The following CATSPER3 variants were observed in gnomAD, a reference collection of about 807,000 sequenced individuals.
CATSPER3 encodes the protein cation channel sperm-associated protein 3.
In CATSPER3, 23 loss-of-function variants were observed where a neutral mutation model predicts 36.6. That is an observed-to-expected ratio of 0.63 (90% CI 0.45 to 0.89). The LOEUF (loss-of-function observed/expected upper bound fraction) is 0.89. CATSPER3 is among the 40% of genes least tolerant of loss of function. The pLI, the probability that CATSPER3 is intolerant of heterozygous loss-of-function variation, is 0.00. For missense variants in CATSPER3, 474 were observed against 503.9 expected, an observed-to-expected ratio of 0.94 and a Z score of 0.57; for synonymous variants, 172 against 184.1, an observed-to-expected ratio of 0.93 and a Z score of 0.53.
rs750730547 is a variant in CATSPER3, at chr5:135,011,643, G to A, written c.*20G>A. 1 of 1,556,784 alleles carries A rather than the reference G, an allele frequency of 6.4e-7. No individual in the cohort carries two copies. The highest frequency in any genetic ancestry group is 1.1e-5 in the South Asian group (1 of 89,222). On this transcript the variant is annotated 3_prime_UTR_variant, in exon 8 of 8. Coordinates refer to ENST00000282611, the MANE Select transcript of CATSPER3 (RefSeq NM_178019.3). ...AAGTAGCTGGGCATGGGGCACCCAT[G>A]TGCCGAGAGCCTTGCAGACCATGAC...
intron 2 of CATSPER3, among the ~76,000 whole-genome samples, chr5:134,973,078 A>G (rs369890414): frequency 1.2e-4 from 19 of 152,330 alleles, no homozygotes; most frequent in African/African-American, 4.3e-4. Flanking sequence ...AAATTCATCA[A>G]TATTCAAAAA....
chr5:134,987,965 G>T (rs1384655160), intron 2 of CATSPER3, among the ~76,000 whole-genome samples: 1 of 152,106 alleles, frequency 6.6e-6, no homozygotes, highest in Non-Finnish European at 1.5e-5. Context: ...GCGAGAAAAA[G>T]AAATAAAAGG....
intron 7 of CATSPER3, 112 bp downstream of exon 7, chr5:135,010,642 G>A: frequency 1.1e-6 from 1 of 939,342 alleles, no homozygotes; most frequent in Non-Finnish European, 1.7e-6. Flanking sequence ...ATGGGCAGTG[G>A]GTGGGTGGAA....
At position 134,994,694 on chromosome 5, in the gene CATSPER3, C is replaced by T. The variant is rs568466564; in HGVS notation, c.253-1579C>T. Among the ~76,000 whole-genome samples, 3 of 152,180 alleles carry T rather than the reference C, an allele frequency of 2.0e-5. 1 individual carries two copies. The highest frequency in any genetic ancestry group is 4.1e-4 in the South Asian group (2 of 4,832). On this transcript the variant is annotated intron_variant, in intron 2 of 7. Transcript: ENST00000282611. ...TGAGATTAAAATTCAAAGTCCTCACCAGGCCTACAAGGCATGACAGTTTGC... is the reference window on the plus strand; with the variant it reads ...TGAGATTAAAATTCAAAGTCCTCACTAGGCCTACAAGGCATGACAGTTTGC...
chr5:135,010,672 C>T, intron 7 of CATSPER3, 142 bp downstream of exon 7: 1 of 784,038 alleles, frequency 1.3e-6, no homozygotes, highest in Non-Finnish European at 2.2e-6. Flanking sequence ...CTTGGGGTTA[C>T]AGGATTCCAT....
chr5:135,005,154 A>G (rs1752069464), intron 3 of CATSPER3, among the ~76,000 whole-genome samples: 1 of 152,200 alleles, frequency 6.6e-6, no homozygotes, highest in Admixed American at 6.5e-5. Context: ...GGCTGGGGGC[A>G]CTTGCTGCTG....
chr5:134,968,466 G>T (rs891319855), intron 1 of CATSPER3: 65 of 284,636 alleles, frequency 2.3e-4, no homozygotes, highest in Non-Finnish European at 1.5e-4. Flanking sequence ...AGGCTGGGGC[G>T]GATCACTTGA....
chr5:134,984,177 A>G (rs1358891305), intron 2 of CATSPER3, among the ~76,000 whole-genome samples: 1 of 152,218 alleles, frequency 6.6e-6, no homozygotes, highest in Non-Finnish European at 1.5e-5. Flanking sequence ...GAAACCACAA[A>G]AATTCTAGAA....
At chr5:134,992,174 A>G (rs1256780496) in intron 2 of CATSPER3, among the ~76,000 whole-genome samples, 1 of 152,168 alleles carries the variant, frequency 6.6e-6, no homozygotes, top group Admixed American at 6.5e-5. Context: ...AAATATTTGC[A>G]AATTATATAT....
chr5:134,987,606 T>A (rs1475562836), intron 2 of CATSPER3, among the ~76,000 whole-genome samples: 1 of 152,134 alleles, frequency 6.6e-6, no homozygotes, highest in Non-Finnish European at 1.5e-5. Flanking sequence ...AGCAGGATTA[T>A]ACACCACGAT....
intron 3 of CATSPER3, among the ~76,000 whole-genome samples, chr5:134,997,506 T>C (rs945479009): frequency 2.0e-5 from 3 of 152,006 alleles, no homozygotes; most frequent in African/African-American, 7.2e-5. Flanking sequence ...ATGCCCTAGC[T>C]GTTTTCCCTA....
chr5:135,007,506 G>T (rs1053163202), intron 3 of CATSPER3, among the ~76,000 whole-genome samples: 2 of 152,182 alleles, frequency 1.3e-5, no homozygotes, highest in African/African-American at 4.8e-5. Context: ...GGACCAGGGA[G>T]CCACATTCCT....
chr5:134,974,052 C>T (rs1751638351), intron 2 of CATSPER3, among the ~76,000 whole-genome samples: 1 of 151,960 alleles, frequency 6.6e-6, no homozygotes, highest in Non-Finnish European at 1.5e-5. Context: ...TTTTCAATGC[C>T]CAAAGAAGTT....
chr5:134,970,547 G>A (rs1279285254), intron 2 of CATSPER3, among the ~76,000 whole-genome samples: 1 of 150,892 alleles, frequency 6.6e-6, no homozygotes, highest in Non-Finnish European at 1.5e-5. Context: ...GGTGGCAAGA[G>A]CAGCAGTGGT....
chr5:134,998,865 G>T (rs1751985417), intron 3 of CATSPER3, among the ~76,000 whole-genome samples: 1 of 152,198 alleles, frequency 6.6e-6, no homozygotes, highest in African/African-American at 2.4e-5. Context: ...TCTGTAGGTT[G>T]CCTGTTCACT....
chr5:134,991,548 G>A (rs946458306), intron 2 of CATSPER3, among the ~76,000 whole-genome samples: 4 of 152,186 alleles, frequency 2.6e-5, no homozygotes, highest in Admixed American at 2.6e-4. Context: ...TGGGGAAAGA[G>A]TAGTAGTCTC....
chr5:134,997,983 T>A (rs1751971469), intron 3 of CATSPER3, among the ~76,000 whole-genome samples: 1 of 152,244 alleles, frequency 6.6e-6, no homozygotes, highest in South Asian at 2.1e-4. Context: ...GCAGGTTTGT[T>A]ACATATGTAT....
At chr5:134,982,396 A>G (rs1052460697) in intron 2 of CATSPER3, among the ~76,000 whole-genome samples, 5 of 152,226 alleles carry the variant, frequency 3.3e-5, no homozygotes, top group Non-Finnish European at 5.9e-5. Flanking sequence ...ACACTAAGAC[A>G]TGTAATCAAA....
intron 2 of CATSPER3, among the ~76,000 whole-genome samples, chr5:134,986,347 T>A (rs1343571295): frequency 2.0e-5 from 3 of 152,116 alleles, no homozygotes; most frequent in Admixed American, 1.3e-4. Flanking sequence ...TTTCTCCATG[T>A]TGGTCAGGCT....
Sources: gnomAD v4.1 joint callset for allele counts (sites outside exome capture counted in the v4.1 genomes callset) on GRCh38, gnomAD v4.1.1 for gene constraint, MANE v1.5 for transcripts, NCBI Gene and HGNC (gene_info 2026-07-23, HGNC 2026-07-21) for gene names.